Variants in NUP210L observed in about 807,000 individuals in gnomAD.
NUP210L encodes nucleoporin 210 like.
NUP210L carries 74 observed loss-of-function variants against 208.5 expected under a neutral mutation model. The observed-to-expected ratio is 0.35, with a 90% confidence interval of 0.29 to 0.43. The LOEUF is 0.43. Ranked by LOEUF, NUP210L falls within the 20% of genes least tolerant of loss-of-function variation. The pLI, the probability that NUP210L is intolerant of heterozygous loss-of-function variation, is 1.00. For missense variants in NUP210L, 1,843 were observed against 2,289.4 expected (o/e 0.81, Z 3.98); for synonymous variants, 780 against 816.9 (o/e 0.95, Z 0.77).
At chr1:154,138,007 A>T in intron 6 of NUP210L, 99 bp downstream of exon 6, 1 of 872,376 alleles carries the variant, frequency 1.1e-6, no homozygotes, top group East Asian at 3.0e-5. Flanking sequence ...AAAATCTAAA[A>T]ACACAAGTAT....
chr1:154,080,445 G>C (rs903360286), intron 16 of NUP210L, among the ~76,000 whole-genome samples: 2 of 151,150 alleles, frequency 1.3e-5, no homozygotes, highest in African/African-American at 2.4e-5. Context: ...AGGCCAAGGT[G>C]GGCGGGTCAC....
chr1:154,100,971 G>A lies in NUP210L; in HGVS notation c.1820-828C>T, dbSNP rs185771038. On this transcript the variant is annotated intron_variant, in intron 13 of 39. Transcript: ENST00000368559. The stretch of plus-strand genomic sequence containing the variant: ...GTGGATCACCTGAGCTCGGGAGTTC[G>A]AGACCAGCCTGACCAACATGGAGAA... 1.3e-3 allele frequency among the ~76,000 whole-genome samples: 200 copies of A among 151,686 alleles called. 6 individuals carry two copies. The highest frequency in any genetic ancestry group is 0.011 in the Admixed American group (165 of 15,194).
rs558357859 is a variant in NUP210L, at chr1:154,014,282, G to A, written c.4654-1912C>T. On this transcript the variant is annotated intron_variant, in intron 33 of 39. Transcript: ENST00000368559. Reference sequence around the variant, plus strand: ...ATCTGCTAATTAGTGAATATTAAATGAGGATTCGATGAAGTACACAAATTA... The same window carrying A: ...ATCTGCTAATTAGTGAATATTAAATAAGGATTCGATGAAGTACACAAATTA... Among the ~76,000 whole-genome samples the A allele has an allele frequency of 2.6e-5, 4 of 152,218 alleles. No individual in the cohort carries two copies. The East Asian group carries it at 7.7e-4, about 29-fold the overall frequency.
chr1:153,995,293 C>T (rs1163376396), intron 37 of NUP210L, 113 bp from the exon 38 acceptor site: 3 of 734,868 alleles, frequency 4.1e-6, no homozygotes, highest in Non-Finnish European at 6.8e-6. Flanking sequence ...ACTCTGTCCC[C>T]CAGGCTGGAG....
At chr1:154,125,697 G>GA (rs1246664823) in intron 10 of NUP210L, among the ~76,000 whole-genome samples, 1 of 22,458 alleles carries the variant, frequency 4.5e-5, no homozygotes, top group African/African-American at 1.1e-4. Flanking sequence ...AAGGAAGGAA[G>GA]GAAGGAAGGA....
chr1:154,079,111 TAGTC>T (rs1022644833), intron 16 of NUP210L, among the ~76,000 whole-genome samples: 18 of 151,822 alleles, frequency 1.2e-4, no homozygotes, highest in Non-Finnish European at 2.4e-4. Flanking sequence ...AAATAAAAAT[TAGTC>T]AGGCATGGTG....
chr1:154,053,989 T>C (rs1653670122), intron 25 of NUP210L, among the ~76,000 whole-genome samples: 3 of 152,222 alleles, frequency 2.0e-5, no homozygotes, highest in African/African-American at 7.2e-5. Flanking sequence ...TATTTGTTTT[T>C]CTCTTCTTCA....
rs894992155 is a variant in NUP210L at position 154,057,211 on chromosome 1, C to A, written c.3108-264G>T. Among the ~76,000 whole-genome samples, 3 of 151,988 alleles carry A rather than the reference C, an allele frequency of 2.0e-5. No individual in the cohort carries two copies. In the East Asian group the frequency reaches 5.8e-4, roughly 29 times the overall value. ...CCAGGCTGGTCTTGAATTTTGGATT[C>A]AAGCAATCCTCCTGCCACAGCCTCC... On this transcript the variant is annotated intron_variant, in intron 22 of 39. Coordinates refer to ENST00000368559, the Ensembl canonical transcript of NUP210L.
At chr1:154,119,758 G>A (rs1183577146) in intron 10 of NUP210L, among the ~76,000 whole-genome samples, 1 of 152,166 alleles carries the variant, frequency 6.6e-6, no homozygotes, top group Non-Finnish European at 1.5e-5. Context: ...TATCCATGGT[G>A]TATATGTGCC....
At chr1:154,091,558 T>C (rs1655915067) in intron 15 of NUP210L, among the ~76,000 whole-genome samples, 3 of 149,182 alleles carry the variant, frequency 2.0e-5, no homozygotes, top group Admixed American at 6.8e-5. Flanking sequence ...TGGAGTGCAA[T>C]GGCATGATCT....
chr1:154,015,183 G>A (rs1651166486), intron 33 of NUP210L, among the ~76,000 whole-genome samples: 1 of 150,668 alleles, frequency 6.6e-6, no homozygotes, highest in South Asian at 2.1e-4. Context: ...GCATCCATTA[G>A]TTATTCTTCC....
At chr1:153,995,497 T>C (rs1302310707) in intron 37 of NUP210L, 9 of 593,982 alleles carry the variant, frequency 1.5e-5, no homozygotes, top group East Asian at 1.2e-4. Context: ...ATCTCCAGAG[T>C]AATACAACTC....
rs528649586 is a variant in NUP210L, at chr1:154,068,597, G to A, written c.2554+1676C>T. 1.2e-4 allele frequency among the ~76,000 whole-genome samples: 19 copies of A among 152,174 alleles called. No homozygotes were observed. In the East Asian group the frequency reaches 1.4e-3, roughly 11 times the overall value. Reference sequence around the variant, plus strand: ...CGGGAGGCTGAGGCAGGAGAATGGCGTGAACCCGGGAGGTGGAGCTTGCAG... The same window carrying A: ...CGGGAGGCTGAGGCAGGAGAATGGCATGAACCCGGGAGGTGGAGCTTGCAG... On this transcript the variant is annotated intron_variant, in intron 17 of 39. Transcript: ENST00000368559.
chr1:154,145,604 C>A (rs762765976), intron 2 of NUP210L, among the ~76,000 whole-genome samples: 35 of 151,962 alleles, frequency 2.3e-4, no homozygotes, highest in Non-Finnish European at 4.6e-4. Context: ...ATATAGACAA[C>A]AGAATTGAAC....
intron 12 of NUP210L, among the ~76,000 whole-genome samples, chr1:154,114,588 C>T (rs978099874): frequency 2.6e-5 from 4 of 152,052 alleles, no homozygotes; most frequent in Non-Finnish European, 5.9e-5. Context: ...AATTCATCAT[C>T]TTTTCCATTT....
At chr1:154,071,797 G>A (rs886682588) in intron 16 of NUP210L, among the ~76,000 whole-genome samples, 5 of 151,632 alleles carry the variant, frequency 3.3e-5, no homozygotes, top group South Asian at 2.1e-4. Flanking sequence ...CACTATGCCC[G>A]GCTAATTTTT....
At chr1:154,129,960 C>A (rs1399524460) in intron 7 of NUP210L, among the ~76,000 whole-genome samples, 1 of 152,150 alleles carries the variant, frequency 6.6e-6, no homozygotes, top group African/African-American at 2.4e-5. Flanking sequence ...CAGTATCAGT[C>A]TATATACAAT....
chr1:153,993,813 G>A (rs1649645169), intron 38 of NUP210L, among the ~76,000 whole-genome samples: 2 of 152,076 alleles, frequency 1.3e-5, no homozygotes, highest in Admixed American at 6.6e-5. Context: ...CAGGAGAATC[G>A]CTTGAAACTG....
intron 16 of NUP210L, among the ~76,000 whole-genome samples, chr1:154,077,569 T>A (rs1177474847): frequency 6.6e-6 from 1 of 152,130 alleles, no homozygotes; most frequent in Non-Finnish European, 1.5e-5. Flanking sequence ...GAAAGGTCAC[T>A]AGACAATAGC....
Sources: gnomAD v4.1 joint callset for allele counts (sites outside exome capture counted in the v4.1 genomes callset) on GRCh38, gnomAD v4.1.1 for gene constraint, MANE v1.5 for transcripts, NCBI Gene and HGNC (gene_info 2026-07-23, HGNC 2026-07-21) for gene names.